The following DRC4 variants were observed in gnomAD, a reference collection of about 807,000 sequenced individuals.
DRC4 encodes the protein GAS-11.
the DRC4 span, chr16:90,036,290 C>T: frequency 2.7e-5 from 30 of 1,125,098 alleles, no homozygotes; most frequent in Non-Finnish European, 3.2e-5. Flanking sequence ...CCACAGTGGG[C>T]GTTTTGGGCC....
At chr16:90,032,022 T>G in the DRC4 span, among the ~76,000 whole-genome samples, 333 of 152,024 alleles carry the variant, frequency 2.2e-3, 5 homozygotes, top group African/African-American at 7.8e-3. Flanking sequence ...TCTACAGGTA[T>G]GTACAGGTGA....
chr16:90,029,031 A>G, the DRC4 span: 1 of 1,301,972 alleles, frequency 7.7e-7, no homozygotes, highest in Non-Finnish European at 1.0e-6. Flanking sequence ...TGCTGGATGG[A>G]GAATGGATTG....
At chr16:90,029,483 A>G in the DRC4 span, 2 of 443,528 alleles carry the variant, frequency 4.5e-6, no homozygotes, top group Non-Finnish European at 8.1e-6. Flanking sequence ...TGTGAGCCAA[A>G]CAGACCAGTC....
chr16:90,027,244 C>A, the DRC4 span, among the ~76,000 whole-genome samples: 5 of 152,066 alleles, frequency 3.3e-5, no homozygotes, highest in African/African-American at 1.2e-4. Flanking sequence ...CACCGGCACG[C>A]CCGGCTAATT....
At chr16:90,024,181 C>T in the DRC4 span, among the ~76,000 whole-genome samples, 14 of 148,168 alleles carry the variant, frequency 9.4e-5, no homozygotes, top group African/African-American at 3.2e-4. Flanking sequence ...TGTGGTGGTA[C>T]GCACCTATAG....
chr16:90,022,749 G>A, the DRC4 span: 1 of 1,392,656 alleles, frequency 7.2e-7, no homozygotes, highest in African/African-American at 1.5e-5. Flanking sequence ...GAGCGGGGCT[G>A]GGGTCCTCGG....
the DRC4 span, among the ~76,000 whole-genome samples, chr16:90,028,172 C>CTTTTTTT: frequency 1.1e-4 from 8 of 75,004 alleles, no homozygotes; most frequent in African/African-American, 2.6e-4. Flanking sequence ...ATTAATCGTT[C>CTTTTTTT]ATTTTTTTTT....
the DRC4 span, chr16:90,031,081 T>G: frequency 1.3e-5 from 14 of 1,077,660 alleles, no homozygotes; most frequent in Non-Finnish European, 1.8e-5. Context: ...AGTTATTTTA[T>G]GATTATTGGC....
the DRC4 span, among the ~76,000 whole-genome samples, chr16:90,028,478 A>G: frequency 7.9e-5 from 12 of 152,038 alleles, no homozygotes; most frequent in African/African-American, 2.7e-4. Flanking sequence ...ATGAGCCACC[A>G]CGCCTGGCCA....
the DRC4 span, chr16:90,022,609 C>T: frequency 8.2e-7 from 1 of 1,224,910 alleles, no homozygotes; most frequent in Non-Finnish European, 1.1e-6. Context: ...CGGAGTCTCG[C>T]GAGGATCTTG....
chr16:90,029,189 T>TGGGGCAGGCTGC, the DRC4 span: 15,680 of 1,340,574 alleles, frequency 0.012, 141 homozygotes, highest in African/African-American at 0.035. Flanking sequence ...GGGCAGGCTA[T>TGGGGCAGGCTGC]GGGGCAGCCT....
At chr16:90,033,944 CTG>C in the DRC4 span, among the ~76,000 whole-genome samples, 20,594 of 150,980 alleles carry the variant, frequency 0.14, 2,118 homozygotes, top group East Asian at 0.6. Context: ...CAGGAGGAGA[CTG>C]TGGGAGAGGG....
chr16:90,039,493 C>T, the DRC4 span, among the ~76,000 whole-genome samples: 3 of 152,198 alleles, frequency 2.0e-5, no homozygotes, highest in Admixed American at 2.0e-4. Flanking sequence ...TCAAGTGATA[C>T]TCCTGCCTCG....
At chr16:90,041,545 C>T in the DRC4 span, among the ~76,000 whole-genome samples, 1 of 152,202 alleles carries the variant, frequency 6.6e-6, no homozygotes, top group African/African-American at 2.4e-5. Context: ...GTGGCTCACG[C>T]CTGTAATCCC....
the DRC4 span, chr16:90,037,652 G>T: frequency 8.8e-7 from 1 of 1,137,632 alleles, no homozygotes; most frequent in Admixed American, 1.7e-5. Context: ...CCTGGAACCA[G>T]GTCTTTCTGG....
the DRC4 span, chr16:90,021,009 G>C: frequency 2.0e-5 from 3 of 152,246 alleles, no homozygotes; most frequent in African/African-American, 7.2e-5. Flanking sequence ...CAGGCCAAGG[G>C]AGTCTGGCAC....
chr16:90,027,695 C>T, the DRC4 span: 23 of 1,614,060 alleles, frequency 1.4e-5, no homozygotes, highest in East Asian at 1.1e-4. Flanking sequence ...TCGATGGGCT[C>T]GCTCCAGAGG....
At chr16:90,043,820 C>T in the DRC4 span, 2 of 468,230 alleles carry the variant, frequency 4.3e-6, no homozygotes, top group Non-Finnish European at 8.9e-6. Context: ...AGCCAATGCT[C>T]CCTGATGAGC....
the DRC4 span, chr16:90,036,328 G>A: frequency 2.4e-5 from 36 of 1,491,372 alleles, no homozygotes; most frequent in East Asian, 1.6e-4. Flanking sequence ...TTCTGTAGCC[G>A]TAGGGGCACC....
Sources: allele counts gnomAD v4.1 joint callset (sites outside exome capture counted in the v4.1 genomes callset), GRCh38; gene constraint gnomAD v4.1.1; transcripts MANE v1.5; gene names NCBI Gene and HGNC (gene_info 2026-07-23, HGNC 2026-07-21).